SMIM13: variants seen among roughly 807,000 people sequenced by gnomAD.
SMIM13 encodes UPF0766 protein C6orf228.
Under a neutral mutation model 5.9 loss-of-function variants are expected in SMIM13, and 3 were observed. The ratio of observed to expected loss-of-function variants is 0.51; its 90% CI spans 0.23 to 1.31. The LOEUF is 1.31. SMIM13 is among the 40% of genes most tolerant of loss of function. SMIM13 has a pLI of 0.18. For missense variants in SMIM13, 85 were observed against 109.9 expected (o/e 0.77, Z 1.01); for synonymous variants, 55 against 46.0 (o/e 1.19, Z -0.79).
rs68092921 is a variant in SMIM13 at position 11,116,982 on chromosome 6, C to CTTTTTTT, written c.77-17400_77-17394dup. On this transcript the variant is annotated intron_variant, in intron 1 of 1. Transcript: ENST00000416247. ...AATAGACATTTAATGATAATTGTTTCTTTTTTTTTTTTTTTTTTTTTTTTT... is the reference window on the plus strand; with the variant it reads ...AATAGACATTTAATGATAATTGTTTCTTTTTTTTTTTTTTTTTTTTTTTTTTTTTTTT... 5.3e-3 allele frequency among the ~76,000 whole-genome samples: 247 copies of CTTTTTTT among 46,448 alleles called. 57 individuals carry two copies. The highest frequency in any genetic ancestry group is 0.014 in the African/African-American group (157 of 11,170). The allele number at this position is 46,448 out of a possible 152,430, so 30.5% of individuals were successfully genotyped here.
intron 1 of SMIM13, among the ~76,000 whole-genome samples, chr6:11,108,156 A>G (rs1421316875): frequency 6.6e-6 from 1 of 152,166 alleles, no homozygotes; most frequent in East Asian, 1.9e-4. Flanking sequence ...ATGAATGAGA[A>G]AAGACGGTTT....
intron 1 of SMIM13, chr6:11,103,482 T>G: frequency 1.5e-6 from 1 of 657,220 alleles, no homozygotes; most frequent in Non-Finnish European, 2.4e-6. Flanking sequence ...GACCCAATTA[T>G]CTGGGAAAAT....
Position 11,117,573 on chromosome 6 carries a change from A to G in SMIM13, c.77-16830A>G, listed in dbSNP as rs1243962354. The stretch of plus-strand genomic sequence containing the variant: ...TCACTTGTGATTTCTCCCTTGAACC[A>G]TGGATTATTTAGAAGTATGTTGTTA... On this transcript the variant is annotated intron_variant, in intron 1 of 1. Transcript: ENST00000416247. Among the ~76,000 whole-genome samples the G allele has an allele frequency of 5.3e-5, 8 of 151,978 alleles. No individual in the cohort carries two copies. In the East Asian group the frequency reaches 1.5e-3, roughly 29 times the overall value.
intron 1 of SMIM13, 136 bp from the exon 2 acceptor site, chr6:11,134,267 G>C (rs537384528): frequency 7.1e-6 from 4 of 563,514 alleles, no homozygotes; most frequent in African/African-American, 5.8e-5. Context: ...AAAAATGTTT[G>C]TTATATCATT....
At chr6:11,120,470 T>G (rs1230423073) in intron 1 of SMIM13, among the ~76,000 whole-genome samples, 1 of 152,174 alleles carries the variant, frequency 6.6e-6, no homozygotes, top group Non-Finnish European at 1.5e-5. Flanking sequence ...TGGGGTGTTA[T>G]TTTAATAAAT....
chr6:11,134,735 A>G lies in SMIM13; in HGVS notation c.*133A>G. ...GAATTTTAAAAAAGATTTACATGTA[A>G]GCCATATAAAAATAAAGGGAACTGA... On this transcript the variant is annotated 3_prime_UTR_variant, in exon 2 of 2. Coordinates refer to ENST00000416247, the MANE Select transcript of SMIM13 (RefSeq NM_001135575.2). The G allele has an allele frequency of 1.4e-6, 1 of 695,302 alleles. No individual in the cohort carries two copies. Among genetic ancestry groups the G allele is most frequent in the Non-Finnish European group, 2.2e-6 (1 of 463,006 alleles). The allele number at this position is 695,302 out of a possible 1,614,324, so 43.1% of individuals were successfully genotyped here. A position where few individuals can be genotyped will look rare whatever the true frequency, so the allele number is the denominator to read the frequency against.
chr6:11,114,478 T>C (rs1413301752), intron 1 of SMIM13, among the ~76,000 whole-genome samples: 1 of 151,870 alleles, frequency 6.6e-6, no homozygotes, highest in African/African-American at 2.4e-5. Flanking sequence ...GGAAGAAAAC[T>C]TCCCCTCTGT....
chr6:11,127,420 T>A (rs1354443504), intron 1 of SMIM13, among the ~76,000 whole-genome samples: 2 of 152,242 alleles, frequency 1.3e-5, no homozygotes, highest in Non-Finnish European at 2.9e-5. Context: ...CAGGGACTAC[T>A]GTCTTCCAGC....
intron 1 of SMIM13, chr6:11,102,741 A>G (rs929467124): frequency 2.0e-5 from 3 of 152,244 alleles, no homozygotes; most frequent in African/African-American, 7.2e-5. Flanking sequence ...GCTGGAACCT[A>G]AATGGTGGAA....
At position 11,137,004 on chromosome 6, in the gene SMIM13, A is replaced by G. The variant is rs576973599; in HGVS notation, c.*2402A>G. The G allele has an allele frequency of 3.2e-4, 48 of 152,274 alleles. No homozygotes were observed. Among genetic ancestry groups the G allele is most frequent in the African/African-American group, 1.1e-3 (47 of 41,556 alleles). 9.4% of individuals were successfully genotyped at this position (152,274 alleles called of 1,614,324 possible). On this transcript the variant is annotated 3_prime_UTR_variant, in exon 2 of 2. Coordinates refer to ENST00000416247, the MANE Select transcript of SMIM13 (RefSeq NM_001135575.2). ...CTGGTGAGCTTCCTGTTATGTCACT[A>G]TTAAAGAATGATGGCTGATGTAACT...
chr6:11,121,367 C>T (rs964953595), intron 1 of SMIM13, among the ~76,000 whole-genome samples: 2 of 152,196 alleles, frequency 1.3e-5, no homozygotes, highest in Non-Finnish European at 2.9e-5. Flanking sequence ...ATAAGCTATA[C>T]TTCTGTTAGA....
chr6:11,117,165 A>ATTTTTTTTT (rs34579750), intron 1 of SMIM13, among the ~76,000 whole-genome samples: 1 of 69,032 alleles, frequency 1.4e-5, no homozygotes, highest in African/African-American at 5.4e-5. Flanking sequence ...TAATTTTTGT[A>ATTTTTTTTT]TTTTTTTTTT....
At chr6:11,105,835 A>T (rs1459320267) in intron 1 of SMIM13, among the ~76,000 whole-genome samples, 1 of 152,120 alleles carries the variant, frequency 6.6e-6, no homozygotes, top group Non-Finnish European at 1.5e-5. Flanking sequence ...GAAGAAACAT[A>T]GTGGGTGATT....
chr6:11,098,250 C>T (rs943128217), intron 1 of SMIM13, among the ~76,000 whole-genome samples: 2 of 152,222 alleles, frequency 1.3e-5, no homozygotes, highest in African/African-American at 4.8e-5. Context: ...TTTCTCACCT[C>T]TCATTCATTC....
rs138825041 is a variant in SMIM13 at position 11,130,731 on chromosome 6, C to T, written c.77-3672C>T. Among the ~76,000 whole-genome samples, 293 of 152,298 alleles carry T rather than the reference C, an allele frequency of 1.9e-3. 2 individuals are homozygous for T. The highest frequency in any genetic ancestry group is 6.8e-3 in the African/African-American group (283 of 41,566). ...AGAGTCTGTGATCTAGCTGAATGCT[C>T]TTGTATTCCAAGCCTCTGAAAGCTA... On this transcript the variant is annotated intron_variant, in intron 1 of 1. Transcript: ENST00000416247.
chr6:11,100,299 A>G (rs980874222), intron 1 of SMIM13, among the ~76,000 whole-genome samples: 3 of 152,058 alleles, frequency 2.0e-5, no homozygotes, highest in African/African-American at 7.2e-5. Flanking sequence ...TGACCTCGTG[A>G]TCCACCTGCC....
chr6:11,108,783 T>G (rs555755375), intron 1 of SMIM13, among the ~76,000 whole-genome samples: 113 of 152,344 alleles, frequency 7.4e-4, no homozygotes, highest in Middle Eastern at 3.4e-3. Context: ...TGGTGTTTCC[T>G]CCTAATATCT....
Position 11,134,680 on chromosome 6 carries a change from C to G in SMIM13, c.*78C>G. On this transcript the variant is annotated 3_prime_UTR_variant, in exon 2 of 2. Coordinates refer to ENST00000416247, the MANE Select transcript of SMIM13 (RefSeq NM_001135575.2). Reference sequence around the variant, plus strand: ...ACTTCGCTTTGAAATTTACTAATGACTGAAGAACATTTGTATTGGATTTTA... The same window carrying G: ...ACTTCGCTTTGAAATTTACTAATGAGTGAAGAACATTTGTATTGGATTTTA... The G allele has an allele frequency of 9.5e-7, 1 of 1,047,206 alleles. No individual in the cohort carries two copies. The highest frequency in any genetic ancestry group is 1.3e-6 in the Non-Finnish European group (1 of 773,110). The allele number at this position is 1,047,206 out of a possible 1,614,324, so 64.9% of individuals were successfully genotyped here. A position where few individuals can be genotyped will look rare whatever the true frequency, so the allele number is the denominator to read the frequency against.
intron 1 of SMIM13, chr6:11,111,783 TCTC>T (rs1430548925): frequency 1.3e-5 from 2 of 152,252 alleles, no homozygotes; most frequent in Non-Finnish European, 2.9e-5. Flanking sequence ...GGTTTCCATT[TCTC>T]CTCCTTGGAT....
Sources: allele counts gnomAD v4.1 joint callset (sites outside exome capture counted in the v4.1 genomes callset), GRCh38; gene constraint gnomAD v4.1.1; transcripts MANE v1.5; gene names NCBI Gene and HGNC (gene_info 2026-07-23, HGNC 2026-07-21).